Variants in BRME1 observed in about 807,000 individuals in gnomAD.
The protein encoded by BRME1 is BRCA2 and MEILB2-associating protein 1.
A neutral mutation model predicts 52.6 loss-of-function variants in BRME1; 31 were observed. That is an observed-to-expected ratio of 0.59 (90% CI 0.44 to 0.80). The LOEUF (loss-of-function observed/expected upper bound fraction) is 0.80, where lower values mean the gene tolerates loss of function less well. Ranked by LOEUF, BRME1 falls within the 30% of genes least tolerant of loss-of-function variation. BRME1 has a pLI of 0.00. For synonymous variants in BRME1, 359 were observed against 353.6 expected, an observed-to-expected ratio of 1.02 and a Z score of -0.17; for missense variants, 804 against 860.3, an observed-to-expected ratio of 0.93 and a Z score of 0.82.
At chr19:13,898,718 G>A (rs1024682314) in intron 2 of BRME1, among the ~76,000 whole-genome samples, 11 of 151,876 alleles carry the variant, frequency 7.2e-5, no homozygotes, top group African/African-American at 2.7e-4. Context: ...GAGGTCGGGA[G>A]TTTAAGACCA....
At chr19:13,891,447 C>T (rs980985373) in intron 5 of BRME1, among the ~76,000 whole-genome samples, 7 of 151,222 alleles carry the variant, frequency 4.6e-5, no homozygotes, top group East Asian at 2.0e-4. Flanking sequence ...CTGCGCCCAG[C>T]GGCTATTATT....
intron 2 of BRME1, among the ~76,000 whole-genome samples, chr19:13,902,629 A>T (rs573468896): frequency 2.0e-5 from 3 of 149,972 alleles, no homozygotes; most frequent in African/African-American, 7.4e-5. Flanking sequence ...TCTGTCTCAA[A>T]AACAAAAACA....
At chr19:13,897,112 C>T (rs1186104972) in intron 2 of BRME1, among the ~76,000 whole-genome samples, 2 of 150,380 alleles carry the variant, frequency 1.3e-5, no homozygotes, top group East Asian at 1.9e-4. Context: ...GATCTCTGCT[C>T]ACCGCAACCT....
In BRME1 at chr19:13,890,196, G is replaced by A. The variant is rs776997563; in HGVS notation, c.660C>T (p.Ser220=). ...DHLSEQGADD[S]KPETDRVPGD... ...CTGGAACCCTGTCTGTCTCAGGCTT[G>A]CTGTCATCGGCCCCTTGTTCTGACA... is the stretch of plus-strand genomic sequence containing the variant. The change falls in exon 6 of 9, where the codon AGC becomes AGT. Residue 220 remains serine, a synonymous_variant. Transcript: ENST00000586783. The A allele has an allele frequency of 1.2e-6, 2 of 1,614,226 alleles. No individual in the cohort carries two copies. Among genetic ancestry groups the A allele is most frequent in the Non-Finnish European group, 1.7e-6 (2 of 1,180,050 alleles).
At chr19:13,894,138 C>T (rs997789751) in intron 3 of BRME1, among the ~76,000 whole-genome samples, 2 of 152,286 alleles carry the variant, frequency 1.3e-5, no homozygotes, top group African/African-American at 4.8e-5. Flanking sequence ...TGGACGGACA[C>T]TCCAGCCCTG....
Position 13,892,767 on chromosome 19 carries a change from G to A in BRME1, c.393+19C>T, listed in dbSNP as rs760573444. 6 of 1,602,110 alleles carry A rather than the reference G, an allele frequency of 3.7e-6. No individual in the cohort carries two copies. The East Asian group carries it at 1.1e-4, about 30-fold the overall frequency. On this transcript the variant is annotated intron_variant, in intron 5 of 8. Coordinates refer to ENST00000586783, the MANE Select transcript of BRME1 (RefSeq NM_001345843.2). ...CTGCACCTGCGCTGGGCTCAGCCTGGCTGATTTTAGAGCCTTACCAGGCTA... is the reference window on the plus strand; with the variant it reads ...CTGCACCTGCGCTGGGCTCAGCCTGACTGATTTTAGAGCCTTACCAGGCTA...
rs1338031255 is a variant in BRME1 at position 13,895,421 on chromosome 19, C to A, written c.157G>T (p.Val53Phe). ...PEEPEGKLGP[V>F]PSTQQHGEEP... ...TCCCCGTGCTGCTGTGTAGAGGGAA[C>A]AGGTCCCAATTTGCCCTCTGGCTCC... The change falls in exon 3 of 9, where the codon GTT becomes TTT. Residue 53 changes from valine (V) to phenylalanine (F), a missense_variant. This residue lies in a region of BRME1 where 234 missense variants were observed against 258.1 expected (regional missense o/e 0.91). Coordinates refer to ENST00000586783, the MANE Select transcript of BRME1 (RefSeq NM_001345843.2). 1 of 1,614,092 alleles carries A rather than the reference C, an allele frequency of 6.2e-7. No homozygotes were observed. The highest frequency in any genetic ancestry group is 8.5e-7 in the Non-Finnish European group (1 of 1,180,020).
chr19:13,884,161 G>C (rs1311297746), intron 7 of BRME1, among the ~76,000 whole-genome samples: 1 of 152,070 alleles, frequency 6.6e-6, no homozygotes, highest in Non-Finnish European at 1.5e-5. Context: ...GCAATGTAGT[G>C]AGACCCCCAT....
rs1303359198 is a variant in BRME1, at chr19:13,889,380, A to G, written c.1476T>C (p.Pro492=). 4 of 1,613,786 alleles carry G rather than the reference A, an allele frequency of 2.5e-6. No individual in the cohort carries two copies. The highest frequency in any genetic ancestry group is 3.3e-5 in the Admixed American group (2 of 59,984). Residue 492 remains proline, a synonymous_variant, in exon 6 of 9, where the codon CCT becomes CCC. Transcript: ENST00000586783. ...CCTGCTGAGCCCCGGGCTCCTGGAGAGGGTCGTCTGCTATTTCTCTGTGTT... is the reference window on the plus strand; with the variant it reads ...CCTGCTGAGCCCCGGGCTCCTGGAGGGGGTCGTCTGCTATTTCTCTGTGTT... The part of the protein sequence containing the change: ...VLEHREIADD[P]LQEPGAQQGI...
rs1443901352 is a variant in BRME1 at position 13,895,538 on chromosome 19, G to A, written c.40C>T (p.Leu14Phe). The change falls in exon 3 of 9, where the codon CTC (leucine) becomes TTC (phenylalanine). Residue 14 changes from leucine to phenylalanine, a missense_variant. Coordinates refer to ENST00000586783, the MANE Select transcript of BRME1 (RefSeq NM_001345843.2). The part of the protein sequence containing the change: ...RKKLRTSGEG[L>F]CPPKPLKNPR... ...TTCTTTAGGGGTTTTGGAGGACAGA[G>A]TCCCTCTCCTGTTTTAGAGACAGAG... is the stretch of plus-strand genomic sequence containing the variant. 1 of 1,612,686 alleles carries A rather than the reference G, an allele frequency of 6.2e-7. No individual in the cohort carries two copies. Among genetic ancestry groups the A allele is most frequent in the South Asian group, 1.1e-5 (1 of 90,938 alleles).
chr19:13,884,517 A>G (rs978107765), intron 7 of BRME1, among the ~76,000 whole-genome samples: 4 of 151,760 alleles, frequency 2.6e-5, no homozygotes, highest in Non-Finnish European at 5.9e-5. Flanking sequence ...AATCCCAGCT[A>G]CTTAGGGGGC....
chr19:13,902,465 C>T lies in BRME1; in HGVS notation c.31+2397G>A, dbSNP rs147360976. ...CCTGACCAACATGGAGAAACCCCAT[C>T]TCTACTAAAAATACAAAAAAATTAG... On this transcript the variant is annotated intron_variant, in intron 2 of 8. Transcript: ENST00000586783. Among the ~76,000 whole-genome samples, 773 of 149,852 alleles carry T rather than the reference C, an allele frequency of 5.2e-3. 12 individuals carry two copies. Among genetic ancestry groups the T allele is most frequent in the African/African-American group, 0.018 (741 of 40,654 alleles).
intron 2 of BRME1, among the ~76,000 whole-genome samples, chr19:13,900,409 A>G (rs28395247): frequency 0.34 from 51,824 of 151,950 alleles, 11,975 homozygotes; most frequent in African/African-American, 0.66. Flanking sequence ...CTGTGGGTGG[A>G]CCTGGCTGTC....
chr19:13,893,986 G>A (rs1969705051), intron 3 of BRME1, among the ~76,000 whole-genome samples: 1 of 152,068 alleles, frequency 6.6e-6, no homozygotes, highest in Non-Finnish European at 1.5e-5. Flanking sequence ...GATGGGGATG[G>A]AGAAGCAGTG....
intron 2 of BRME1, among the ~76,000 whole-genome samples, chr19:13,897,881 C>T (rs952995978): frequency 6.6e-6 from 1 of 150,668 alleles, no homozygotes; most frequent in Non-Finnish European, 1.5e-5. Context: ...TTAAATTAAA[C>T]ATTTAAATTA....
chr19:13,885,907 C>G (rs1968978808), intron 7 of BRME1, 54 bp downstream of exon 7: 1 of 1,515,634 alleles, frequency 6.6e-7, no homozygotes, highest in African/African-American at 1.4e-5. Context: ...TGTCACCCTC[C>G]TTGGTAAAAT....
At chr19:13,895,841 C>T (rs1229851580) in intron 2 of BRME1, among the ~76,000 whole-genome samples, 2 of 152,208 alleles carry the variant, frequency 1.3e-5, no homozygotes, top group Non-Finnish European at 2.9e-5. Flanking sequence ...AACTGGGACT[C>T]ACAGCCACCG....
chr19:13,905,668 T>C (rs957852937), intron 1 of BRME1, 47 bp downstream of exon 1: 2 of 152,290 alleles, frequency 1.3e-5, no homozygotes, highest in African/African-American at 2.4e-5. Flanking sequence ...AGAGCTGCCA[T>C]AGGCCGGTTT....
chr19:13,891,907 T>A (rs1333524036), intron 5 of BRME1, among the ~76,000 whole-genome samples: 2 of 151,740 alleles, frequency 1.3e-5, no homozygotes, highest in Admixed American at 6.6e-5. Context: ...ACCCCTATTC[T>A]AATAAAAATA....
Sources: allele counts gnomAD v4.1 joint callset (sites outside exome capture counted in the v4.1 genomes callset), GRCh38; gene constraint gnomAD v4.1.1; regional missense constraint gnomAD v4.1.1; transcripts MANE v1.5; gene names NCBI Gene and HGNC (gene_info 2026-07-23, HGNC 2026-07-21).